Variants in SPATA6 observed in about 807,000 individuals in gnomAD.
SPATA6 encodes spermatogenesis-associated protein 6.
A neutral mutation model predicts 65.3 loss-of-function variants in SPATA6; 56 were observed. That is an observed-to-expected ratio of 0.86 (90% confidence interval 0.69 to 1.07). The LOEUF is 1.07. Ranked by LOEUF, SPATA6 falls within the 50% of genes least tolerant of loss-of-function variation. SPATA6 has a pLI of 0.00. For missense variants in SPATA6, 590 were observed against 594.8 expected, an observed-to-expected ratio of 0.99 and a Z score of 0.08; for synonymous variants, 199 against 213.2, an observed-to-expected ratio of 0.93 and a Z score of 0.58.
the SPATA6 span, among the ~76,000 whole-genome samples, chr1:48,276,927 G>T: frequency 8.6e-5 from 13 of 151,788 alleles, no homozygotes; most frequent in African/African-American, 3.1e-4. Flanking sequence ...ACAGTGGGGT[G>T]TTCAAGTCTT....
chr1:48,463,824 T>C (rs1464706870), intron 1 of SPATA6, among the ~76,000 whole-genome samples: 1 of 151,792 alleles, frequency 6.6e-6, no homozygotes, highest in Non-Finnish European at 1.5e-5. Flanking sequence ...TCTCTACAAA[T>C]ACAAATAAAA....
intron 11 of SPATA6, among the ~76,000 whole-genome samples, chr1:48,315,764 C>A (rs954959482): frequency 2.6e-5 from 4 of 152,214 alleles, no homozygotes; most frequent in Admixed American, 6.5e-5. Flanking sequence ...CTGTTTGCAG[C>A]TGACATGATT....
At chr1:48,302,955 C>T (rs921265382) in intron 12 of SPATA6, among the ~76,000 whole-genome samples, 68 of 151,912 alleles carry the variant, frequency 4.5e-4, no homozygotes, top group African/African-American at 1.5e-3. Context: ...TGGAATTTCC[C>T]ATGCTCTGCT....
At chr1:48,363,365 A>G (rs1236883000) in intron 9 of SPATA6, among the ~76,000 whole-genome samples, 4 of 152,254 alleles carry the variant, frequency 2.6e-5, no homozygotes, top group Admixed American at 6.5e-5. Context: ...TGTATCTTCA[A>G]TAATACTGGC....
At chr1:48,316,463 G>A (rs1311409083) in intron 11 of SPATA6, among the ~76,000 whole-genome samples, 3 of 152,172 alleles carry the variant, frequency 2.0e-5, no homozygotes, top group Non-Finnish European at 4.4e-5. Context: ...ATAGTGCTGG[G>A]AAAACTGGCT....
intron 11 of SPATA6, among the ~76,000 whole-genome samples, chr1:48,307,673 T>C (rs1296156415): frequency 6.6e-6 from 1 of 151,674 alleles, no homozygotes; most frequent in Non-Finnish European, 1.5e-5. Flanking sequence ...GTCTGTCCTA[T>C]CCACTGGTGA....
chr1:48,410,441 T>C (rs1652109992), intron 5 of SPATA6, among the ~76,000 whole-genome samples: 1 of 152,188 alleles, frequency 6.6e-6, no homozygotes, highest in South Asian at 2.1e-4. Flanking sequence ...TCCAAACTGT[T>C]CCTCCATCTG....
the SPATA6 span, among the ~76,000 whole-genome samples, chr1:48,264,718 A>G: frequency 3.3e-5 from 5 of 152,190 alleles, no homozygotes; most frequent in Non-Finnish European, 7.3e-5. Flanking sequence ...CTATGGTTGC[A>G]TAGTATTCCA....
In SPATA6 at chr1:48,338,662, C is replaced by A. The variant is rs1646125515; in HGVS notation, c.1194+17008G>T. ...AGACTTTTTTGGTGTGAGAATCACA[C>A]CAGGCTATAGAGGTAAAATTGAAAA... On this transcript the variant is annotated intron_variant, in intron 11 of 12. Transcript: ENST00000371847. 3.9e-5 allele frequency among the ~76,000 whole-genome samples: 6 copies of A among 151,936 alleles called. No homozygotes were observed. In the South Asian group the frequency reaches 1.2e-3, roughly 32 times the overall value.
chr1:48,400,909 A>G, intron 6 of SPATA6: 9 of 962,016 alleles, frequency 9.4e-6, no homozygotes, highest in Non-Finnish European at 1.1e-5. Flanking sequence ...TCTCTGTGAC[A>G]TCACAGACTT....
intron 1 of SPATA6, among the ~76,000 whole-genome samples, chr1:48,454,147 A>G (rs536523963): frequency 3.3e-5 from 5 of 152,142 alleles, no homozygotes; most frequent in African/African-American, 9.6e-5. Context: ...TGTGGTTATT[A>G]AATAACACAT....
At chr1:48,314,563 G>C (rs1402005241) in intron 11 of SPATA6, among the ~76,000 whole-genome samples, 1 of 152,158 alleles carries the variant, frequency 6.6e-6, no homozygotes. Flanking sequence ...GAAATTTATA[G>C]CACTAAATGC....
intron 9 of SPATA6, among the ~76,000 whole-genome samples, chr1:48,363,179 G>A (rs115740132): frequency 0.023 from 3,554 of 152,164 alleles, 37 homozygotes; most frequent in South Asian, 0.06. Context: ...GGGGTTACGA[G>A]GTAAAACGAA....
At chr1:48,401,076 C>T (rs910116418) in intron 6 of SPATA6, among the ~76,000 whole-genome samples, 1 of 151,996 alleles carries the variant, frequency 6.6e-6, no homozygotes, top group Non-Finnish European at 1.5e-5. Flanking sequence ...ATGCAGATCC[C>T]TTGCATTCCA....
At chr1:48,441,474 G>C (rs1028791056) in intron 3 of SPATA6, among the ~76,000 whole-genome samples, 1 of 150,498 alleles carries the variant, frequency 6.6e-6, no homozygotes, top group Non-Finnish European at 1.5e-5. Flanking sequence ...TTATTAAGGA[G>C]GGACATATTA....
chr1:48,439,003 G>A (rs1655202013), intron 3 of SPATA6, among the ~76,000 whole-genome samples: 2 of 152,132 alleles, frequency 1.3e-5, no homozygotes, highest in African/African-American at 2.4e-5. Flanking sequence ...TTCATATGAT[G>A]AGAAATGAGG....
chr1:48,272,653 G>C, the SPATA6 span, among the ~76,000 whole-genome samples: 2 of 152,178 alleles, frequency 1.3e-5, no homozygotes, highest in African/African-American at 2.4e-5. Flanking sequence ...TAGTAATATA[G>C]ATACCTCTTT....
chr1:48,325,206 C>T (rs1557564811), intron 11 of SPATA6: 4 of 706,384 alleles, frequency 5.7e-6, no homozygotes, highest in East Asian at 2.5e-5. Context: ...GTGTTCACTG[C>T]TGCTGGCACA....
chr1:48,325,872 G>A (rs1160200570), intron 11 of SPATA6: 1 of 353,184 alleles, frequency 2.8e-6, no homozygotes, highest in African/African-American at 2.1e-5. Flanking sequence ...GATCTATCAG[G>A]AAAACTCTCC....
Sources: gnomAD v4.1 joint callset for allele counts (sites outside exome capture counted in the v4.1 genomes callset) on GRCh38, gnomAD v4.1.1 for gene constraint, MANE v1.5 for transcripts, NCBI Gene and HGNC (gene_info 2026-07-23, HGNC 2026-07-21) for gene names.